The following CCDC148 variants were observed in gnomAD, a reference collection of about 807,000 sequenced individuals.
The protein encoded by CCDC148 is coiled-coil domain-containing protein 148.
A neutral mutation model predicts 85.7 loss-of-function variants in CCDC148; 89 were observed. The observed-to-expected ratio is 1.04, with a 90% confidence interval of 0.87 to 1.24. The LOEUF is 1.24. CCDC148 is among the 50% of genes most tolerant of loss of function. The pLI is 0.00. For synonymous variants in CCDC148, 230 were observed against 213.9 expected (o/e 1.08, Z -0.66); for missense variants, 692 against 671.7 (o/e 1.03, Z -0.33).
chr2:158,431,391 T>C (rs1050063691), intron 1 of CCDC148, among the ~76,000 whole-genome samples: 5 of 151,040 alleles, frequency 3.3e-5, no homozygotes, highest in African/African-American at 1.2e-4. Flanking sequence ...AGAAGAATGA[T>C]CACAGACTTC....
chr2:158,441,024 C>T (rs1379776278), intron 1 of CCDC148, among the ~76,000 whole-genome samples: 1 of 152,058 alleles, frequency 6.6e-6, no homozygotes, highest in Non-Finnish European at 1.5e-5. Context: ...CACTGCACTC[C>T]AGCCTGGGTG....
At chr2:158,214,399 G>A (rs1686742540) in intron 11 of CCDC148, among the ~76,000 whole-genome samples, 1 of 151,802 alleles carries the variant, frequency 6.6e-6, no homozygotes, top group Non-Finnish European at 1.5e-5. Context: ...CTAGAAATTA[G>A]GTAATAAAAA....
chr2:158,367,765 A>AC (rs1336172616), intron 1 of CCDC148, among the ~76,000 whole-genome samples: 8 of 152,264 alleles, frequency 5.3e-5, no homozygotes, highest in Non-Finnish European at 1.0e-4. Flanking sequence ...TGACCTGCAT[A>AC]CTTTAATCGT....
intron 1 of CCDC148, among the ~76,000 whole-genome samples, chr2:158,370,606 A>G (rs1040631870): frequency 6.6e-6 from 1 of 152,044 alleles, no homozygotes; most frequent in African/African-American, 2.4e-5. Flanking sequence ...AATTTTAAGC[A>G]GAATGTTACA....
rs201088412 is a variant in CCDC148 at position 158,338,823 on chromosome 2, C to T, written c.667G>A (p.Asp223Asn). ...TCACTGAGAATTGAAGATTTCAAAT[C>T]AGGGTATGGGCATTCCAAACTTTCT... ...ELESLECPYP[D>N]LKSSILSEFY... is the part of the protein sequence containing the mutation. Residue 223 changes from aspartate (D) to asparagine (N), a missense_variant, in exon 7 of 14, where the codon GAT becomes AAT. Physicochemically the swap from Asp to Asn is conservative, Grantham distance 23. Transcript: ENST00000283233. The T allele has an allele frequency of 1.6e-4, 256 of 1,612,412 alleles. No individual in the cohort carries two copies. The highest frequency in any genetic ancestry group is 1.9e-4 in the Non-Finnish European group (226 of 1,179,598).
At chr2:158,450,664 C>A (rs1226187484) in intron 1 of CCDC148, among the ~76,000 whole-genome samples, 1 of 152,112 alleles carries the variant, frequency 6.6e-6, no homozygotes, top group Non-Finnish European at 1.5e-5. Context: ...AATGAGAGGT[C>A]AGCTGTTAAT....
chr2:158,384,163 C>T (rs552700183), intron 1 of CCDC148, among the ~76,000 whole-genome samples: 31 of 152,262 alleles, frequency 2.0e-4, no homozygotes, highest in African/African-American at 6.7e-4. Context: ...TGACTTTGAT[C>T]GCTTAATTAA....
chr2:158,362,234 T>C (rs909060757), intron 1 of CCDC148, among the ~76,000 whole-genome samples: 2 of 152,002 alleles, frequency 1.3e-5, no homozygotes, highest in Non-Finnish European at 2.9e-5. Flanking sequence ...ATGGGAGACT[T>C]TAACACCCTA....
At chr2:158,305,920 C>T (rs1020708816) in intron 9 of CCDC148, among the ~76,000 whole-genome samples, 9 of 152,142 alleles carry the variant, frequency 5.9e-5, no homozygotes, top group African/African-American at 1.7e-4. Context: ...TGGAATACTA[C>T]TCAGCAATAA....
At chr2:158,282,482 T>TAACAGACCAACAGAGAGCCAAA (rs1209783517) in intron 9 of CCDC148, among the ~76,000 whole-genome samples, 2 of 152,066 alleles carry the variant, frequency 1.3e-5, no homozygotes, top group African/African-American at 4.8e-5. Flanking sequence ...CATACACCAA[T>TAACAGACCAACAGAGAGCCAAA]AACAGACCAA....
Position 158,277,697 on chromosome 2 carries a change from C to T in CCDC148, c.1111-26785G>A, listed in dbSNP as rs369627582. On this transcript the variant is annotated intron_variant, in intron 9 of 13. Transcript: ENST00000283233. ...CTGTAAGCTCCACCTCCCAGGTTCACGCCATTCTCCTGCCTCAGCCTCCCG... is the reference window on the plus strand; with the variant it reads ...CTGTAAGCTCCACCTCCCAGGTTCATGCCATTCTCCTGCCTCAGCCTCCCG... Among the ~76,000 whole-genome samples, 170 of 152,014 alleles carry T rather than the reference C, an allele frequency of 1.1e-3. 1 individual carries two copies. Among genetic ancestry groups the T allele is most frequent in the African/African-American group, 3.4e-3 (142 of 41,476 alleles).
chr2:158,433,832 G>A (rs7565386), intron 1 of CCDC148, among the ~76,000 whole-genome samples: 125 of 152,324 alleles, frequency 8.2e-4, no homozygotes, highest in African/African-American at 2.7e-3. Context: ...TATATCCTGT[G>A]CCTGGCTCAG....
chr2:158,289,613 A>T (rs375309000), intron 9 of CCDC148, among the ~76,000 whole-genome samples: 1 of 152,174 alleles, frequency 6.6e-6, no homozygotes, highest in Non-Finnish European at 1.5e-5. Flanking sequence ...GAACAACAGG[A>T]TCTTTTATAT....
At chr2:158,407,614 A>T (rs1686081333) in intron 1 of CCDC148, among the ~76,000 whole-genome samples, 1 of 152,178 alleles carries the variant, frequency 6.6e-6, no homozygotes, top group South Asian at 2.1e-4. Context: ...TTTTGGCAGT[A>T]CAGCATCCGG....
chr2:158,259,548 T>G (rs1689136921), intron 9 of CCDC148, among the ~76,000 whole-genome samples: 1 of 151,984 alleles, frequency 6.6e-6, no homozygotes, highest in Non-Finnish European at 1.5e-5. Flanking sequence ...TCAGTGTCAC[T>G]TTGGTTCAAA....
At chr2:158,257,019 T>A (rs1316501203) in intron 9 of CCDC148, among the ~76,000 whole-genome samples, 1 of 151,728 alleles carries the variant, frequency 6.6e-6, no homozygotes, top group South Asian at 2.1e-4. Flanking sequence ...GGTGACTGCA[T>A]GGATAATGCT....
chr2:158,283,124 C>T (rs930874050), intron 9 of CCDC148, among the ~76,000 whole-genome samples: 14 of 152,218 alleles, frequency 9.2e-5, no homozygotes, highest in African/African-American at 3.1e-4. Context: ...ATACAAAAAT[C>T]AATTCAAGAT....
intron 7 of CCDC148, among the ~76,000 whole-genome samples, chr2:158,321,436 CCTT>C (rs774156826): frequency 1.3e-5 from 2 of 152,122 alleles, no homozygotes; most frequent in African/African-American, 2.4e-5. Context: ...GAACTTCTCT[CCTT>C]ATTAATCACC....
intron 11 of CCDC148, among the ~76,000 whole-genome samples, chr2:158,197,027 C>G (rs1685709397): frequency 6.6e-6 from 1 of 152,072 alleles, no homozygotes; most frequent in African/African-American, 2.4e-5. Flanking sequence ...ATTAAAAGAT[C>G]AGAAAATGGA....
Sources: gnomAD v4.1 joint callset for allele counts (sites outside exome capture counted in the v4.1 genomes callset) on GRCh38, gnomAD v4.1.1 for gene constraint, MANE v1.5 for transcripts, NCBI Gene and HGNC (gene_info 2026-07-23, HGNC 2026-07-21) for gene names.